CNTN5: variants seen among roughly 807,000 people sequenced by gnomAD.
The protein encoded by CNTN5 is contactin 5.
A neutral mutation model predicts 129.1 loss-of-function variants in CNTN5; 77 were observed. The ratio of observed to expected loss-of-function variants is 0.60; its 90% CI spans 0.50 to 0.72. The LOEUF (loss-of-function observed/expected upper bound fraction) is 0.72, where lower values mean the gene tolerates loss of function less well. CNTN5 is among the 30% of genes least tolerant of loss of function. The pLI, the probability that CNTN5 is intolerant of heterozygous loss-of-function variation, is 0.00. For missense variants in CNTN5, 1,478 were observed against 1,328.8 expected (o/e 1.11, Z -1.75); for synonymous variants, 509 against 465.6 (o/e 1.09, Z -1.20).
intron 13 of CNTN5, among the ~76,000 whole-genome samples, chr11:100,121,834 T>C (rs999166746): frequency 2.6e-5 from 4 of 151,582 alleles, no homozygotes; most frequent in African/African-American, 9.7e-5. Context: ...GAGGAAAGTA[T>C]TATGAAGAAA....
chr11:99,703,481 T>G (rs924949794), intron 3 of CNTN5, among the ~76,000 whole-genome samples: 1 of 150,806 alleles, frequency 6.6e-6, no homozygotes, highest in African/African-American at 2.4e-5. Flanking sequence ...TCTTCAGTGC[T>G]TAGTATCTCC....
At chr11:99,094,882 T>A (rs1443333643) in intron 1 of CNTN5, among the ~76,000 whole-genome samples, 1 of 151,966 alleles carries the variant, frequency 6.6e-6, no homozygotes, top group Non-Finnish European at 1.5e-5. Context: ...ATATTGTTCT[T>A]AATATAATTC....
intron 6 of CNTN5, among the ~76,000 whole-genome samples, chr11:99,877,350 G>C (rs1357387922): frequency 6.6e-6 from 1 of 152,080 alleles, no homozygotes; most frequent in Non-Finnish European, 1.5e-5. Context: ...GTCTTTCAAA[G>C]ACATTGGAAA....
intron 1 of CNTN5, among the ~76,000 whole-genome samples, chr11:99,269,372 G>C (rs1167391395): frequency 6.6e-6 from 1 of 151,332 alleles, no homozygotes; most frequent in African/African-American, 2.4e-5. Context: ...AATCGTGGGG[G>C]AGATAAACAA....
At chr11:99,621,259 G>A (rs75519643) in intron 3 of CNTN5, among the ~76,000 whole-genome samples, 1,640 of 152,192 alleles carry the variant, frequency 0.011, 35 homozygotes, top group African/African-American at 0.036. Context: ...GAGCAGAAAT[G>A]AGAAAAGCAA....
chr11:100,276,009 A>G (rs548544250), intron 18 of CNTN5, among the ~76,000 whole-genome samples: 3 of 152,320 alleles, frequency 2.0e-5, no homozygotes, highest in South Asian at 4.1e-4. Context: ...ATGCTGCTCT[A>G]AAGAGCCAAC....
At chr11:99,258,178 G>T (rs925337038) in intron 1 of CNTN5, among the ~76,000 whole-genome samples, 9 of 151,952 alleles carry the variant, frequency 5.9e-5, no homozygotes, top group African/African-American at 2.2e-4. Context: ...TGGTTTGGGG[G>T]TACATGTGCA....
intron 2 of CNTN5, among the ~76,000 whole-genome samples, chr11:99,436,605 C>T (rs534160545): frequency 4.6e-5 from 7 of 152,258 alleles, no homozygotes; most frequent in African/African-American, 1.7e-4. Context: ...AGATTTAGCT[C>T]ATCTGATAGG....
At chr11:99,415,166 C>T (rs1026574103) in intron 2 of CNTN5, among the ~76,000 whole-genome samples, 10 of 152,238 alleles carry the variant, frequency 6.6e-5, no homozygotes, top group African/African-American at 1.9e-4. Flanking sequence ...AGGAGGTTAA[C>T]AGGAGCAAAG....
At chr11:100,073,428 G>A (rs1176227547) in intron 12 of CNTN5, among the ~76,000 whole-genome samples, 1 of 151,558 alleles carries the variant, frequency 6.6e-6, no homozygotes, top group East Asian at 1.9e-4. Context: ...GCATTATGTT[G>A]CTATATGATA....
intron 2 of CNTN5, among the ~76,000 whole-genome samples, chr11:99,481,149 T>G (rs1227463134): frequency 6.6e-6 from 1 of 152,128 alleles, no homozygotes; most frequent in Non-Finnish European, 1.5e-5. Flanking sequence ...CTACTGGATA[T>G]CTGCATTCAA....
intron 6 of CNTN5, among the ~76,000 whole-genome samples, chr11:99,867,460 C>A (rs1197939130): frequency 1.2e-4 from 18 of 152,144 alleles, no homozygotes; most frequent in Admixed American, 1.2e-3. Flanking sequence ...TCTTGCAGAG[C>A]AAAAGCAAGG....
intron 3 of CNTN5, among the ~76,000 whole-genome samples, chr11:99,707,431 T>G (rs1423144537): frequency 2.0e-5 from 3 of 151,704 alleles, no homozygotes; most frequent in Non-Finnish European, 4.4e-5. Flanking sequence ...CCTTCCAACA[T>G]TATTGCAAAT....
In CNTN5 at chr11:99,858,666, G is replaced by C. The variant is rs12796250; in HGVS notation, c.577+13404G>C. Among the ~76,000 whole-genome samples, 324 of 147,602 alleles carry C rather than the reference G, an allele frequency of 2.2e-3. 11 individuals carry two copies. The highest frequency in any genetic ancestry group is 3.6e-3 in the Non-Finnish European group (237 of 66,376). ...TCTAATTTAGTGATATTGTGTTTTC[G>C]AGAGTTTTTTTAAAGTTATTTCTTA... is the stretch of plus-strand genomic sequence containing the variant. On this transcript the variant is annotated intron_variant, in intron 6 of 24. Coordinates refer to ENST00000524871, the MANE Select transcript of CNTN5 (RefSeq NM_014361.4).
intron 3 of CNTN5, among the ~76,000 whole-genome samples, chr11:99,588,361 A>T (rs1341356027): frequency 2.0e-5 from 3 of 151,778 alleles, no homozygotes; most frequent in African/African-American, 7.3e-5. Flanking sequence ...AAAAAAAAAA[A>T]AAAAAAGACC....
chr11:99,771,294 C>T (rs895280972), intron 3 of CNTN5, among the ~76,000 whole-genome samples: 2 of 151,984 alleles, frequency 1.3e-5, no homozygotes, highest in African/African-American at 4.8e-5. Context: ...CAGCATCATT[C>T]ACCATAGCAA....
intron 24 of CNTN5, among the ~76,000 whole-genome samples, chr11:100,352,855 A>G (rs887930081): frequency 7.9e-5 from 12 of 151,766 alleles, no homozygotes; most frequent in African/African-American, 2.2e-4. Flanking sequence ...CCTGAAAAGC[A>G]AAATATACGA....
At chr11:100,178,502 G>A (rs570635195) in intron 13 of CNTN5, among the ~76,000 whole-genome samples, 3 of 152,166 alleles carry the variant, frequency 2.0e-5, no homozygotes, top group African/African-American at 7.2e-5. Flanking sequence ...CAATTCGCAT[G>A]TGAACAATTA....
chr11:100,312,803 A>T (rs1951495133), intron 21 of CNTN5, among the ~76,000 whole-genome samples: 1 of 152,100 alleles, frequency 6.6e-6, no homozygotes, highest in Non-Finnish European at 1.5e-5. Flanking sequence ...TTGAAACTAG[A>T]GAAGACAGTG....
Sources: gnomAD v4.1 joint callset for allele counts (sites outside exome capture counted in the v4.1 genomes callset) on GRCh38, gnomAD v4.1.1 for gene constraint, MANE v1.5 for transcripts, NCBI Gene and HGNC (gene_info 2026-07-23, HGNC 2026-07-21) for gene names.